ANKS1B: variants seen among roughly 807,000 people sequenced by gnomAD.
ANKS1B encodes ankyrin repeat and sterile alpha motif domain-containing protein 1B.
A neutral mutation model predicts 148.3 loss-of-function variants in ANKS1B; 36 were observed. That is an observed-to-expected ratio of 0.24 (90% CI 0.19 to 0.32). The LOEUF (loss-of-function observed/expected upper bound fraction) is 0.32, where lower values mean the gene tolerates loss of function less well. Ranked by LOEUF, ANKS1B falls within the 10% of genes least tolerant of loss-of-function variation. ANKS1B has a pLI of 1.00. For missense variants in ANKS1B, 1,157 were observed against 1,542.6 expected (o/e 0.75, Z 4.19); for synonymous variants, 542 against 560.8 (o/e 0.97, Z 0.47).
intron 17 of ANKS1B, among the ~76,000 whole-genome samples, chr12:98,915,697 T>C (rs1184955164): frequency 6.6e-6 from 1 of 152,182 alleles, no homozygotes; most frequent in Non-Finnish European, 1.5e-5. Flanking sequence ...GGTGTGTTAC[T>C]TTATCACTAC....
intron 9 of ANKS1B, among the ~76,000 whole-genome samples, chr12:99,515,809 A>T (rs902841883): frequency 6.6e-6 from 1 of 152,056 alleles, no homozygotes; most frequent in Non-Finnish European, 1.5e-5. Context: ...TTTTCTCCAC[A>T]TCCTCACCAG....
At chr12:99,029,687 G>A (rs1165189364) in intron 17 of ANKS1B, among the ~76,000 whole-genome samples, 1 of 152,244 alleles carries the variant, frequency 6.6e-6, no homozygotes, top group African/African-American at 2.4e-5. Flanking sequence ...TCAGCAGCAT[G>A]AAATGTACTT....
intron 4 of ANKS1B, among the ~76,000 whole-genome samples, chr12:99,782,325 T>C (rs2064426087): frequency 6.6e-6 from 1 of 152,136 alleles, no homozygotes; most frequent in Non-Finnish European, 1.5e-5. Flanking sequence ...CAGATGCAGC[T>C]GAGGCGGATG....
intron 1 of ANKS1B, among the ~76,000 whole-genome samples, chr12:99,964,561 T>C (rs2095460946): frequency 6.6e-6 from 1 of 152,114 alleles, no homozygotes; most frequent in Non-Finnish European, 1.5e-5. Context: ...TGGCGTACCA[T>C]AGCCTAAGTG....
intron 17 of ANKS1B, among the ~76,000 whole-genome samples, chr12:98,945,505 C>CAAAAAAAAAAAAAAAAAAAA (rs3051086): frequency 2.3e-4 from 7 of 30,288 alleles, no homozygotes; most frequent in East Asian, 1.8e-3. Flanking sequence ...AACAAACAAA[C>CAAAAAAAAAAAAAAAAAAAA]AAAAAAAAAA....
At chr12:99,168,789 C>T (rs1055899146) in intron 14 of ANKS1B, among the ~76,000 whole-genome samples, 1 of 152,042 alleles carries the variant, frequency 6.6e-6, no homozygotes, top group Non-Finnish European at 1.5e-5. Flanking sequence ...CTCAGTGGTA[C>T]CTCAATTTTG....
rs143244015 is a variant in ANKS1B at position 99,407,351 on chromosome 12, G to A, written c.1576-7540C>T. The stretch of plus-strand genomic sequence containing the variant: ...CATCCCTTCATGATAAAAACCCACT[G>A]GGTATAGAAGAAACAGACCTCGAAT... On this transcript the variant is annotated intron_variant, in intron 11 of 26. Coordinates refer to ENST00000683438, the MANE Select transcript of ANKS1B (RefSeq NM_001352186.2). 4.1e-5 allele frequency among the ~76,000 whole-genome samples: 6 copies of A among 145,480 alleles called. 1 individual carries two copies. The highest frequency in any genetic ancestry group is 1.3e-4 in the African/African-American group (5 of 38,470).
intron 11 of ANKS1B, among the ~76,000 whole-genome samples, chr12:99,432,906 G>C (rs1013285580): frequency 2.0e-5 from 3 of 152,148 alleles, no homozygotes; most frequent in Non-Finnish European, 2.9e-5. Context: ...AGAGGTTTTA[G>C]AGAGTCAGAT....
At chr12:98,922,605 T>A (rs2152917971) in intron 17 of ANKS1B, among the ~76,000 whole-genome samples, 1 of 152,264 alleles carries the variant, frequency 6.6e-6, no homozygotes, top group African/African-American at 2.4e-5. Context: ...TTCAAGCGAT[T>A]CTCCTGCCTC....
intron 17 of ANKS1B, among the ~76,000 whole-genome samples, chr12:98,933,664 CT>C (rs1342077622): frequency 6.6e-6 from 1 of 151,890 alleles, no homozygotes; most frequent in Non-Finnish European, 1.5e-5. Flanking sequence ...CATTTGGTGT[CT>C]TTTTAAAAAA....
chr12:99,969,225 CTGG>C (rs1203314250), intron 1 of ANKS1B, among the ~76,000 whole-genome samples: 6 of 152,112 alleles, frequency 3.9e-5, no homozygotes, highest in Non-Finnish European at 8.8e-5. Context: ...TTTGCCCAGG[CTGG>C]AGTACAGTGG....
intron 15 of ANKS1B, among the ~76,000 whole-genome samples, chr12:99,125,558 C>A (rs2064083949): frequency 6.6e-6 from 1 of 152,266 alleles, no homozygotes; most frequent in East Asian, 1.9e-4. Context: ...ACTGATGAGA[C>A]TGATTTAGGC....
At chr12:99,455,179 T>G (rs958978314) in intron 10 of ANKS1B, among the ~76,000 whole-genome samples, 6 of 152,154 alleles carry the variant, frequency 3.9e-5, no homozygotes, top group Admixed American at 1.3e-4. Context: ...TCCAAAATTA[T>G]GTAAACACCC....
chr12:98,932,901 A>G (rs759233275), intron 17 of ANKS1B, among the ~76,000 whole-genome samples: 2 of 152,210 alleles, frequency 1.3e-5, no homozygotes, highest in Non-Finnish European at 2.9e-5. Flanking sequence ...CAATCTCCTT[A>G]AAGTTAGTTT....
intron 17 of ANKS1B, among the ~76,000 whole-genome samples, chr12:98,934,550 C>T (rs1007005042): frequency 6.6e-6 from 1 of 152,056 alleles, no homozygotes; most frequent in Non-Finnish European, 1.5e-5. Flanking sequence ...CTGTAGATTG[C>T]TTTGAGAAGT....
intron 1 of ANKS1B, among the ~76,000 whole-genome samples, chr12:99,893,270 G>C (rs1284056078): frequency 6.6e-6 from 1 of 152,058 alleles, no homozygotes; most frequent in African/African-American, 2.4e-5. Context: ...AATTAGCCGG[G>C]TGTGGTGGCG....
chr12:99,972,796 C>T (rs2095575955), intron 1 of ANKS1B, among the ~76,000 whole-genome samples: 1 of 152,200 alleles, frequency 6.6e-6, no homozygotes, highest in Admixed American at 6.5e-5. Flanking sequence ...CTAGGACTTT[C>T]ATAGCTAAAG....
intron 12 of ANKS1B, among the ~76,000 whole-genome samples, chr12:99,318,925 T>C (rs896104259): frequency 6.6e-6 from 1 of 152,234 alleles, no homozygotes; most frequent in African/African-American, 2.4e-5. Context: ...CATTTCGTTA[T>C]GTACCCAGTA....
At chr12:99,429,060 G>A (rs1267159817) in intron 11 of ANKS1B, among the ~76,000 whole-genome samples, 1 of 152,048 alleles carries the variant, frequency 6.6e-6, no homozygotes, top group Non-Finnish European at 1.5e-5. Flanking sequence ...AAATACACAA[G>A]TAAATTGAAC....
Sources: gnomAD v4.1 joint callset for allele counts (sites outside exome capture counted in the v4.1 genomes callset) on GRCh38, gnomAD v4.1.1 for gene constraint, MANE v1.5 for transcripts, NCBI Gene and HGNC (gene_info 2026-07-23, HGNC 2026-07-21) for gene names.